Variants in AK5 observed in about 807,000 individuals in gnomAD.
The protein encoded by AK5 is adenylate kinase 5.
In AK5, 27 loss-of-function variants were observed where a neutral mutation model predicts 69.5. That is an observed-to-expected ratio of 0.39 (90% CI 0.29 to 0.54). The LOEUF is 0.54. Ranked by LOEUF, AK5 falls within the 20% of genes least tolerant of loss-of-function variation. AK5 has a pLI of 0.71. For missense variants in AK5, 531 were observed against 700.4 expected (o/e 0.76, Z 2.73); for synonymous variants, 260 against 244.4 (o/e 1.06, Z -0.60).
intron 8 of AK5, among the ~76,000 whole-genome samples, chr1:77,472,530 G>A (rs1654578386): frequency 6.6e-6 from 1 of 152,028 alleles, no homozygotes; most frequent in South Asian, 2.1e-4. Flanking sequence ...GGAAATGCAA[G>A]GATCTGGCAT....
In AK5 at chr1:77,559,479, G is replaced by A. The variant is rs1372113627; in HGVS notation, c.*809G>A. Reference sequence around the variant, plus strand: ...GACCAAAAGTAACTTAAAAGCATGAGATATTTGCTATTTCATTCATTGGGC... The same window carrying A: ...GACCAAAAGTAACTTAAAAGCATGAAATATTTGCTATTTCATTCATTGGGC... On this transcript the variant is annotated 3_prime_UTR_variant, in exon 14 of 14. Transcript: ENST00000354567. 1 of 152,080 alleles carries A rather than the reference G, an allele frequency of 6.6e-6. No individual in the cohort carries two copies. The highest frequency in any genetic ancestry group is 1.5e-5 in the Non-Finnish European group (1 of 68,028). 9.4% of individuals were successfully genotyped at this position (152,080 alleles called of 1,614,324 possible).
At chr1:77,482,850 A>T (rs1361185353) in intron 8 of AK5, among the ~76,000 whole-genome samples, 2 of 151,950 alleles carry the variant, frequency 1.3e-5, no homozygotes, top group East Asian at 3.9e-4. Context: ...GGCCCTTTAC[A>T]GAAAACTGTT....
intron 5 of AK5, among the ~76,000 whole-genome samples, chr1:77,311,507 G>T (rs1406577545): frequency 6.6e-6 from 1 of 152,112 alleles, no homozygotes; most frequent in Non-Finnish European, 1.5e-5. Flanking sequence ...CAAGATTATT[G>T]TGAAGATTAA....
intron 6 of AK5, among the ~76,000 whole-genome samples, chr1:77,408,109 T>G (rs1248475952): frequency 1.3e-5 from 2 of 152,176 alleles, no homozygotes; most frequent in Non-Finnish European, 2.9e-5. Context: ...GCATTTGTCT[T>G]TTTAGTAGAA....
intron 5 of AK5, among the ~76,000 whole-genome samples, chr1:77,307,277 A>G (rs959933342): frequency 2.0e-5 from 3 of 151,114 alleles, no homozygotes; most frequent in Admixed American, 1.3e-4. Flanking sequence ...TGTATCCCAT[A>G]GATTTTGGTA....
At chr1:77,285,194 G>A (rs1401192478) in intron 1 of AK5, among the ~76,000 whole-genome samples, 1 of 152,036 alleles carries the variant, frequency 6.6e-6, no homozygotes, top group African/African-American at 2.4e-5. Flanking sequence ...GAATGCACTG[G>A]GTATGCAAAT....
chr1:77,370,757 C>A (rs149952240), intron 6 of AK5, among the ~76,000 whole-genome samples: 3 of 152,236 alleles, frequency 2.0e-5, no homozygotes, highest in African/African-American at 7.2e-5. Context: ...CAACCCCAGC[C>A]CAGTCCAGCT....
Position 77,531,577 on chromosome 1 carries a change from T to G in AK5, c.1429-4270T>G, listed in dbSNP as rs576593399. Among the ~76,000 whole-genome samples the G allele has an allele frequency of 7.2e-5, 11 of 152,180 alleles. No individual in the cohort carries two copies. The East Asian group carries it at 1.7e-3, about 24-fold the overall frequency. ...CACAAACCCTGAGCTATCCACAGGGTGCTGATTGGTGTGTTTACAAACCTT... is the reference window on the plus strand; with the variant it reads ...CACAAACCCTGAGCTATCCACAGGGGGCTGATTGGTGTGTTTACAAACCTT... On this transcript the variant is annotated intron_variant, in intron 12 of 13. Coordinates refer to ENST00000354567, the MANE Select transcript of AK5 (RefSeq NM_174858.3).
At chr1:77,444,340 TACACA>T (rs1652569303) in intron 8 of AK5, among the ~76,000 whole-genome samples, 1 of 64,534 alleles carries the variant, frequency 1.5e-5, no homozygotes, top group Non-Finnish European at 2.9e-5. Flanking sequence ...ATAGTATATA[TACACA>T]ATATATGTGT....
At chr1:77,431,546 G>C (rs1050756402) in intron 8 of AK5, among the ~76,000 whole-genome samples, 2 of 152,144 alleles carry the variant, frequency 1.3e-5, no homozygotes, top group African/African-American at 4.8e-5. Context: ...GTTTAGGAAG[G>C]AAGTGGGTAG....
chr1:77,392,602 A>G (rs1355005968), intron 6 of AK5, among the ~76,000 whole-genome samples: 2 of 152,028 alleles, frequency 1.3e-5, no homozygotes, highest in African/African-American at 4.8e-5. Flanking sequence ...GTTGTGTTCA[A>G]CTCTCTCGGC....
intron 13 of AK5, among the ~76,000 whole-genome samples, chr1:77,540,905 G>T (rs767813786): frequency 2.0e-5 from 3 of 151,542 alleles, no homozygotes; most frequent in Admixed American, 2.0e-4. Flanking sequence ...GTTTTTTTTT[G>T]TTTGTTTCTT....
intron 8 of AK5, among the ~76,000 whole-genome samples, chr1:77,473,778 A>G (rs1411491317): frequency 6.6e-6 from 1 of 152,218 alleles, no homozygotes; most frequent in African/African-American, 2.4e-5. Flanking sequence ...AATTCTGCAC[A>G]TATGTAGTTA....
In AK5 at chr1:77,282,264, G is replaced by T. The variant is rs764955919; in HGVS notation, c.-50G>T. 6.6e-7 allele frequency: 1 copy of T among 1,521,036 alleles called. No individual in the cohort carries two copies. The highest frequency in any genetic ancestry group is 8.9e-7 in the Non-Finnish European group (1 of 1,129,288). 94.2% of individuals were successfully genotyped at this position (1,521,036 alleles called of 1,614,324 possible). A position where few individuals can be genotyped will look rare whatever the true frequency, so the allele number is the denominator to read the frequency against. On this transcript the variant is annotated 5_prime_UTR_variant, in exon 1 of 14. Coordinates refer to ENST00000354567, the MANE Select transcript of AK5 (RefSeq NM_174858.3). ...AGCTTCAGCCCCGGCTCAGGTCGCCGCAGCCCGGGAGCCTCCCCGCTTGCG... is the reference window on the plus strand; with the variant it reads ...AGCTTCAGCCCCGGCTCAGGTCGCCTCAGCCCGGGAGCCTCCCCGCTTGCG...
intron 6 of AK5, among the ~76,000 whole-genome samples, chr1:77,344,991 G>A (rs1430484128): frequency 4.2e-5 from 4 of 94,912 alleles, no homozygotes; most frequent in Non-Finnish European, 4.5e-5. Flanking sequence ...TTCTTAAATT[G>A]TGCAAAAAAA....
intron 5 of AK5, among the ~76,000 whole-genome samples, chr1:77,302,626 C>A (rs1659406107): frequency 6.6e-6 from 1 of 152,102 alleles, no homozygotes; most frequent in Non-Finnish European, 1.5e-5. Flanking sequence ...AATGGGAATT[C>A]TTTTTGCAAT....
chr1:77,341,242 G>A (rs1661637505), intron 6 of AK5, among the ~76,000 whole-genome samples: 1 of 152,186 alleles, frequency 6.6e-6, no homozygotes, highest in African/African-American at 2.4e-5. Context: ...TAGAGGTGAA[G>A]GTTCAGCTAA....
intron 5 of AK5, among the ~76,000 whole-genome samples, chr1:77,326,589 T>C (rs1660815698): frequency 6.6e-6 from 1 of 152,174 alleles, no homozygotes; most frequent in South Asian, 2.1e-4. Context: ...TCTCACTCTT[T>C]TGTATTCTCC....
intron 12 of AK5, 104 bp from the exon 13 acceptor site, chr1:77,535,743 G>A: frequency 9.6e-7 from 1 of 1,037,286 alleles, no homozygotes; most frequent in Admixed American, 2.8e-5. Context: ...GGACCTTGAA[G>A]GGAACCAGAA....
Sources: gnomAD v4.1 joint callset for allele counts (sites outside exome capture counted in the v4.1 genomes callset) on GRCh38, gnomAD v4.1.1 for gene constraint, MANE v1.5 for transcripts, NCBI Gene and HGNC (gene_info 2026-07-23, HGNC 2026-07-21) for gene names.